Variants in TEKT3 observed in about 807,000 individuals in gnomAD.
TEKT3 encodes tektin-3.
Under a neutral mutation model 49.8 loss-of-function variants are expected in TEKT3, and 49 were observed. That is an observed-to-expected ratio of 0.98 (90% confidence interval 0.78 to 1.25). The LOEUF is 1.25. Among genes scored for constraint, TEKT3 ranks in the 50% most tolerant of loss-of-function variants. The pLI is 0.00. For missense variants in TEKT3, 595 were observed against 629.5 expected, an observed-to-expected ratio of 0.95 and a Z score of 0.59; for synonymous variants, 225 against 237.2, an observed-to-expected ratio of 0.95 and a Z score of 0.47.
At chr17:15,323,415 C>G (rs1911349205) in intron 4 of TEKT3, among the ~76,000 whole-genome samples, 5 of 152,142 alleles carry the variant, frequency 3.3e-5, no homozygotes, top group Admixed American at 3.3e-4. Context: ...GGGTAGATGA[C>G]TTTGCAGGTT....
At chr17:15,312,875 G>A (rs890830224) in intron 6 of TEKT3, among the ~76,000 whole-genome samples, 4 of 152,180 alleles carry the variant, frequency 2.6e-5, no homozygotes, top group African/African-American at 9.7e-5. Flanking sequence ...CAGGAGTAGA[G>A]AGAATGATCA....
chr17:15,332,936 T>TA (rs1357307435), intron 2 of TEKT3, among the ~76,000 whole-genome samples: 1 of 152,170 alleles, frequency 6.6e-6, no homozygotes, highest in Non-Finnish European at 1.5e-5. Context: ...TATATACCTC[T>TA]ACCTATATAC....
intron 2 of TEKT3, among the ~76,000 whole-genome samples, chr17:15,339,356 A>T (rs1315860284): frequency 6.6e-6 from 1 of 152,226 alleles, no homozygotes; most frequent in Non-Finnish European, 1.5e-5. Context: ...GCAGAAAACT[A>T]AGACATGTGC....
chr17:15,317,539 T>A (rs11871526), intron 5 of TEKT3, among the ~76,000 whole-genome samples: 16,517 of 152,184 alleles, frequency 0.11, 2,288 homozygotes, highest in African/African-American at 0.33. Context: ...AATCTCAGCG[T>A]ACAAACCTCT....
chr17:15,342,003 C>A (rs559808247), upstream of TEKT3, among the ~76,000 whole-genome samples: 1 of 152,308 alleles, frequency 6.6e-6, no homozygotes, highest in Admixed American at 6.5e-5. Flanking sequence ...CCCCACCTTT[C>A]CTGACCAGCC....
chr17:15,331,826 A>G (rs988509609), intron 2 of TEKT3, among the ~76,000 whole-genome samples: 3 of 152,158 alleles, frequency 2.0e-5, no homozygotes, highest in Non-Finnish European at 4.4e-5. Context: ...TATAAAGATC[A>G]CATTTTTATT....
chr17:15,332,638 A>G (rs1048886150), intron 2 of TEKT3, among the ~76,000 whole-genome samples: 3 of 152,144 alleles, frequency 2.0e-5, no homozygotes, highest in Non-Finnish European at 4.4e-5. Flanking sequence ...TACAACCTGT[A>G]AGCACCTCGA....
Position 15,331,318 on chromosome 17 carries a change from A to C in TEKT3, c.268T>G (p.Phe90Val), listed in dbSNP as rs773800593. ...TCATCCGGTGTGTATCTTGTGAAGA[A>C]AGTGGTTCTGTTGGAAACAAAGGGA... ...MLPFVSNRTTFFTRYTPDDWY... is the reference protein window; with the variant it reads ...MLPFVSNRTTVFTRYTPDDWY... Residue 90 changes from phenylalanine to valine, a missense_variant, in exon 3 of 9, where the codon TTC (phenylalanine) becomes GTC (valine). Physicochemically the swap from Phe to Val is conservative, Grantham distance 50. Transcript: ENST00000395930. 40 of 1,614,086 alleles carry C rather than the reference A, an allele frequency of 2.5e-5. No individual in the cohort carries two copies. In the South Asian group the frequency reaches 4.3e-4, roughly 17 times the overall value.
intron 4 of TEKT3, among the ~76,000 whole-genome samples, chr17:15,321,998 C>G (rs999535410): frequency 6.2e-4 from 95 of 152,104 alleles, no homozygotes; most frequent in South Asian, 8.3e-4. Flanking sequence ...TGTGCACACT[C>G]CCAGGTCTTG....
At chr17:15,326,505 G>A (rs1386385710) in intron 4 of TEKT3, among the ~76,000 whole-genome samples, 2 of 152,166 alleles carry the variant, frequency 1.3e-5, no homozygotes, top group African/African-American at 4.8e-5. Context: ...CTTGGGGAAG[G>A]AAAGGTGCTT....
At chr17:15,329,171 C>A (rs951158993) in intron 3 of TEKT3, among the ~76,000 whole-genome samples, 2 of 152,114 alleles carry the variant, frequency 1.3e-5, no homozygotes, top group Non-Finnish European at 2.9e-5. Context: ...ATTTGATAGG[C>A]CAAAGGTAGT....
At chr17:15,309,644 C>T (rs1452633697) in intron 7 of TEKT3, among the ~76,000 whole-genome samples, 2 of 151,940 alleles carry the variant, frequency 1.3e-5, no homozygotes, top group Non-Finnish European at 2.9e-5. Context: ...TTTTGGAAAC[C>T]CTATGTTTTT....
At chr17:15,325,715 T>C (rs2150746207) in intron 4 of TEKT3, among the ~76,000 whole-genome samples, 1 of 152,336 alleles carries the variant, frequency 6.6e-6, no homozygotes, top group Non-Finnish European at 1.5e-5. Context: ...GGCAAGGTGA[T>C]GAAGTTAAGC....
chr17:15,332,268 T>G (rs954496081), intron 2 of TEKT3, among the ~76,000 whole-genome samples: 44 of 152,112 alleles, frequency 2.9e-4, no homozygotes, highest in African/African-American at 1.1e-3. Context: ...GCCTCTTATA[T>G]CTAAAAATCT....
intron 6 of TEKT3, 113 bp downstream of exon 6, chr17:15,313,974 C>T (rs890543918): frequency 6.8e-7 from 1 of 1,477,264 alleles, no homozygotes; most frequent in Non-Finnish European, 9.2e-7. Flanking sequence ...GTGTGTTTCT[C>T]ACCTTCAGAT....
chr17:15,328,170 C>T, intron 3 of TEKT3, 95 bp from the exon 4 acceptor site: 3 of 1,047,046 alleles, frequency 2.9e-6, no homozygotes, highest in South Asian at 2.7e-5. Flanking sequence ...TCAATAGATA[C>T]TCCCAATACC....
chr17:15,306,565 A>G (rs1008017748), intron 8 of TEKT3, among the ~76,000 whole-genome samples: 1 of 152,164 alleles, frequency 6.6e-6, no homozygotes, highest in African/African-American at 2.4e-5. Flanking sequence ...TAGGAAAAAA[A>G]AAAAAAAGAG....
At chr17:15,319,452 TAA>T (rs80001871) in intron 4 of TEKT3, among the ~76,000 whole-genome samples, 17 of 146,926 alleles carry the variant, frequency 1.2e-4, no homozygotes, top group Admixed American at 4.1e-4. Flanking sequence ...ATTAAAACAG[TAA>T]AAAAAAAAAA....
intron 5 of TEKT3, among the ~76,000 whole-genome samples, chr17:15,315,713 G>C (rs1303467360): frequency 6.6e-6 from 1 of 152,128 alleles, no homozygotes; most frequent in African/African-American, 2.4e-5. Flanking sequence ...TAGTAAACTT[G>C]AGTGTTCACT....
Sources: allele counts gnomAD v4.1 joint callset (sites outside exome capture counted in the v4.1 genomes callset), GRCh38; gene constraint gnomAD v4.1.1; transcripts MANE v1.5; gene names NCBI Gene and HGNC (gene_info 2026-07-23, HGNC 2026-07-21).